Variants in C3orf33 observed in about 807,000 individuals in gnomAD.
The protein encoded by C3orf33 is AP-1 activity suppressor.
A neutral mutation model predicts 28.7 loss-of-function variants in C3orf33; 23 were observed. The ratio of observed to expected loss-of-function variants is 0.80; its 90% CI spans 0.58 to 1.13. The LOEUF (loss-of-function observed/expected upper bound fraction) is 1.13. Among genes scored for constraint, C3orf33 ranks in the 50% most tolerant of loss-of-function variants. The probability of loss-of-function intolerance (pLI) is 0.00; values close to 1 mark genes in which losing one functional copy is unlikely to be tolerated. For synonymous variants in C3orf33, 119 were observed against 120.5 expected, an observed-to-expected ratio of 0.99 and a Z score of 0.08; for missense variants, 327 against 353.4, an observed-to-expected ratio of 0.93 and a Z score of 0.60.
intron 3 of C3orf33, among the ~76,000 whole-genome samples, chr3:155,770,952 G>T (rs1750562245): frequency 7.3e-6 from 1 of 136,438 alleles, no homozygotes; most frequent in African/African-American, 2.9e-5. Context: ...GGGATTACAG[G>T]CATGAACCAC....
At chr3:155,806,084 G>A in intron 1 of C3orf33, 55 bp downstream of exon 1, 1 of 1,239,488 alleles carries the variant, frequency 8.1e-7, no homozygotes, top group Non-Finnish European at 1.1e-6. Context: ...TGTTCTCAGG[G>A]TCGCTCTGTG....
rs938665850 is a variant in C3orf33, at chr3:155,763,168, C to T, written c.*349G>A. ...ACAAGAGCGAAACGCCTTCTCAAAACAAACAAACAAAAAATTCAATATGGC... is the reference window on the plus strand; with the variant it reads ...ACAAGAGCGAAACGCCTTCTCAAAATAAACAAACAAAAAATTCAATATGGC... On this transcript the variant is annotated 3_prime_UTR_variant, in exon 5 of 5. Transcript: ENST00000340171. 3 of 158,920 alleles carry T rather than the reference C, an allele frequency of 1.9e-5. No homozygotes were observed. The highest frequency in any genetic ancestry group is 1.3e-4 in the Admixed American group (2 of 15,398). 9.8% of individuals were successfully genotyped at this position (158,920 alleles called of 1,614,324 possible).
At position 155,763,455 on chromosome 3, in the gene C3orf33, A is replaced by C; in HGVS notation, c.*62T>G. On this transcript the variant is annotated 3_prime_UTR_variant, in exon 5 of 5. Coordinates refer to ENST00000340171, the MANE Select transcript of C3orf33 (RefSeq NM_001308229.2). Reference sequence around the variant, plus strand: ...AACTTCCATTTTGATTCAATGAAAAACGTCCATATATTTACATATTTCACT... The same window carrying C: ...AACTTCCATTTTGATTCAATGAAAACCGTCCATATATTTACATATTTCACT... The C allele has an allele frequency of 1.6e-6, 2 of 1,245,242 alleles. No homozygotes were observed. The highest frequency in any genetic ancestry group is 2.1e-6 in the Non-Finnish European group (2 of 954,778). 77.1% of individuals were successfully genotyped at this position (1,245,242 alleles called of 1,614,324 possible).
chr3:155,776,778 A>AAAAAAAAAAAAAAAAAAC (rs1750762872), intron 2 of C3orf33, among the ~76,000 whole-genome samples: 1 of 149,926 alleles, frequency 6.7e-6, no homozygotes, highest in Non-Finnish European at 1.5e-5. Flanking sequence ...AAAAAAAAAA[A>AAAAAAAAAAAAAAAAAAC]AAAAAAGAAT....
Position 155,767,590 on chromosome 3 carries a change from C to T in C3orf33, c.402G>A (p.Glu134=). 2 of 1,597,794 alleles carry T rather than the reference C, an allele frequency of 1.3e-6. No homozygotes were observed. Among genetic ancestry groups the T allele is most frequent in the Non-Finnish European group, 1.7e-6 (2 of 1,170,066 alleles). Residue 134 remains glutamate (E), a synonymous_variant, in exon 4 of 5, where the codon GAG becomes GAA. Coordinates refer to ENST00000340171, the MANE Select transcript of C3orf33 (RefSeq NM_001308229.2). The part of the protein sequence containing the change: ...AETGKAWLQK[E]LKPSQLLWFQ... ...ACCATAGTAATTGGGAAGGTTTTAGCTCTTTTTGTAACCATGCCTTCCCAG... is the reference window on the plus strand; with the variant it reads ...ACCATAGTAATTGGGAAGGTTTTAGTTCTTTTTGTAACCATGCCTTCCCAG...
intron 4 of C3orf33, among the ~76,000 whole-genome samples, 200 bp from the exon 5 acceptor site, chr3:155,764,118 C>T (rs1750323133): frequency 6.6e-6 from 1 of 152,152 alleles, no homozygotes; most frequent in East Asian, 1.9e-4. Flanking sequence ...TGCTCAAAAT[C>T]AGTTGATTCT....
At chr3:155,764,281 C>G (rs1303442928) in intron 4 of C3orf33, among the ~76,000 whole-genome samples, 1 of 152,040 alleles carries the variant, frequency 6.6e-6, no homozygotes, top group Non-Finnish European at 1.5e-5. Context: ...GTAGGACCAG[C>G]AAAAGAAACT....
At chr3:155,805,231 G>A (rs1230009895) in intron 1 of C3orf33, among the ~76,000 whole-genome samples, 1 of 151,786 alleles carries the variant, frequency 6.6e-6, no homozygotes, top group Non-Finnish European at 1.5e-5. Flanking sequence ...GGGAGGCCGA[G>A]GCGGGCAGAT....
chr3:155,764,011 A>G, intron 4 of C3orf33, 93 bp from the exon 5 acceptor site: 1 of 1,034,588 alleles, frequency 9.7e-7, no homozygotes, highest in Non-Finnish European at 1.3e-6. Context: ...TCATTCAACA[A>G]TTTTAGTCCT....
chr3:155,783,810 G>A (rs755419394), intron 2 of C3orf33, among the ~76,000 whole-genome samples: 5 of 152,084 alleles, frequency 3.3e-5, no homozygotes, highest in Non-Finnish European at 7.4e-5. Flanking sequence ...TTAAAACTTA[G>A]TATTATTGTA....
In C3orf33 at chr3:155,796,775, A is replaced by C. The variant is rs147209114; in HGVS notation, c.174+5757T>G. Among the ~76,000 whole-genome samples the C allele has an allele frequency of 2.6e-5, 4 of 152,362 alleles. No homozygotes were observed. The South Asian group carries it at 8.3e-4, about 32-fold the overall frequency. On this transcript the variant is annotated intron_variant, in intron 2 of 4. Transcript: ENST00000340171. ...ACATTAATGCAAAAATCCTCAAAGA[A>C]ATACCTACAAATCAAATTCAACAAC...
Position 155,802,541 on chromosome 3 carries a change from G to C in C3orf33, c.165C>G (p.Ser55Arg), listed in dbSNP as rs1751679407. The C allele has an allele frequency of 1.2e-6, 2 of 1,601,628 alleles. No individual in the cohort carries two copies. Among genetic ancestry groups the C allele is most frequent in the Non-Finnish European group, 1.7e-6 (2 of 1,176,228 alleles). The change falls in exon 2 of 5, where the codon AGC (serine) becomes AGG (arginine). Residue 55 changes from serine (S) to arginine (R), a missense_variant. Ser to Arg is a moderately radical substitution (Grantham distance 110, BLOSUM62 -1). Transcript: ENST00000340171. ...AIAGIMLLLR[S>R]IRLTSKFTSS... ...TCATTTTTTAACTTACCAGTCGAAT[G>C]CTTCTCAAAAGTAACATTATTCCAG...
intron 1 of C3orf33, among the ~76,000 whole-genome samples, chr3:155,803,337 A>C (rs544945301): frequency 1.3e-5 from 2 of 151,740 alleles, no homozygotes; most frequent in East Asian, 3.9e-4. Flanking sequence ...AGGCCGAGGC[A>C]GGCAGATCAC....
At chr3:155,802,667 A>G in intron 1 of C3orf33, 76 bp from the exon 2 acceptor site, 1 of 1,109,660 alleles carries the variant, frequency 9.0e-7, no homozygotes, top group Non-Finnish European at 1.3e-6. Context: ...AGAAGGTAGA[A>G]AAAAAGAAGA....
At chr3:155,787,372 CAG>C (rs1394080300) in intron 2 of C3orf33, among the ~76,000 whole-genome samples, 11 of 124,194 alleles carry the variant, frequency 8.9e-5, no homozygotes, top group African/African-American at 1.3e-4. Flanking sequence ...TTTTTGGAGA[CAG>C]AGTCTTGCTC....
At chr3:155,772,159 C>T (rs774581394) in intron 3 of C3orf33, among the ~76,000 whole-genome samples, 1 of 152,086 alleles carries the variant, frequency 6.6e-6, no homozygotes, top group African/African-American at 2.4e-5. Flanking sequence ...GAACCATGAT[C>T]GCACCACTGC....
intron 3 of C3orf33, among the ~76,000 whole-genome samples, chr3:155,767,880 TTTTTC>T (rs1269618930): frequency 1.3e-5 from 2 of 152,164 alleles, no homozygotes; most frequent in Non-Finnish European, 2.9e-5. Context: ...AACTCATTTT[TTTTTC>T]TTTTTTCTTT....
intron 2 of C3orf33, among the ~76,000 whole-genome samples, chr3:155,797,805 T>C (rs1222090691): frequency 6.6e-6 from 1 of 152,198 alleles, no homozygotes; most frequent in Non-Finnish European, 1.5e-5. Context: ...GCACAGTGGC[T>C]CATGCCTGTA....
chr3:155,802,409 A>G (rs1029452253), intron 2 of C3orf33, 123 bp downstream of exon 2: 14 of 691,200 alleles, frequency 2.0e-5, no homozygotes, highest in Non-Finnish European at 3.2e-5. Context: ...ATTGTTCTAA[A>G]ATACTATTTA....
Sources: gnomAD v4.1 joint callset for allele counts (sites outside exome capture counted in the v4.1 genomes callset) on GRCh38, gnomAD v4.1.1 for gene constraint, MANE v1.5 for transcripts, NCBI Gene and HGNC (gene_info 2026-07-23, HGNC 2026-07-21) for gene names.